Variants in PDK1 observed in about 807,000 individuals in gnomAD.
PDK1 encodes pyruvate dehydrogenase kinase 1.
PDK1 carries 39 observed loss-of-function variants against 54.2 expected under a neutral mutation model. The ratio of observed to expected loss-of-function variants is 0.72; its 90% confidence interval spans 0.56 to 0.94. PDK1 has a LOEUF of 0.94. PDK1 is among the 40% of genes least tolerant of loss of function. The pLI is 0.00. For missense variants in PDK1, 552 were observed against 566.0 expected, an observed-to-expected ratio of 0.98 and a Z score of 0.25; for synonymous variants, 221 against 207.1, an observed-to-expected ratio of 1.07 and a Z score of -0.58.
At chr2:172,684,741 C>T in the PDK1 span, among the ~76,000 whole-genome samples, 2 of 152,264 alleles carry the variant, frequency 1.3e-5, no homozygotes, top group East Asian at 3.9e-4. Flanking sequence ...TTTTTAACAC[C>T]TTCCTCCCCT....
In PDK1 at chr2:172,566,837, T is replaced by C. The variant is rs777481593; in HGVS notation, c.692-19T>C. On this transcript the variant is annotated intron_variant, in intron 5 of 10. Coordinates refer to ENST00000282077, the MANE Select transcript of PDK1 (RefSeq NM_002610.5). ...TATATTTATTAAATCCTTTTTTGTT[T>C]TGTTTTGATTCACACTAGATGGCTA... The C allele has an allele frequency of 1.3e-6, 2 of 1,551,074 alleles. No homozygotes were observed. The highest frequency in any genetic ancestry group is 1.8e-6 in the Non-Finnish European group (2 of 1,128,202).
At chr2:172,563,572 G>A (rs1344473866) in intron 3 of PDK1, among the ~76,000 whole-genome samples, 1 of 152,182 alleles carries the variant, frequency 6.6e-6, no homozygotes, top group Non-Finnish European at 1.5e-5. Context: ...GGTGGCTCAC[G>A]CCTGTAATCC....
the PDK1 span, among the ~76,000 whole-genome samples, chr2:172,716,792 G>A: frequency 6.6e-6 from 1 of 152,158 alleles, no homozygotes; most frequent in Non-Finnish European, 1.5e-5. Context: ...AAAATACAGA[G>A]GTAAAAATAG....
chr2:172,591,937 C>T lies in PDK1; in HGVS notation c.1057-998C>T, dbSNP rs1414058035. 2.6e-5 allele frequency among the ~76,000 whole-genome samples: 4 copies of T among 152,354 alleles called. No homozygotes were observed. The East Asian group carries it at 7.7e-4, about 29-fold the overall frequency. ...ACCAATTATTAGGCAATTTTCCTAA[C>T]TCTGCTTCTACAATAGTTTCCTTAT... is the stretch of plus-strand genomic sequence containing the variant. On this transcript the variant is annotated intron_variant, in intron 9 of 10. Transcript: ENST00000282077.
chr2:172,716,918 A>C, the PDK1 span, among the ~76,000 whole-genome samples: 7 of 152,194 alleles, frequency 4.6e-5, no homozygotes, highest in African/African-American at 1.7e-4. Flanking sequence ...TGTTTCTCTC[A>C]GTTCTGTGAA....
intron 2 of PDK1, among the ~76,000 whole-genome samples, chr2:172,561,746 TGTTA>T (rs1162301400): frequency 6.6e-6 from 1 of 152,352 alleles, no homozygotes; most frequent in East Asian, 1.9e-4. Context: ...AATAAATACT[TGTTA>T]GTTGGACATA....
intron 9 of PDK1, among the ~76,000 whole-genome samples, chr2:172,590,288 G>A (rs748079842): frequency 6.6e-5 from 10 of 152,152 alleles, no homozygotes; most frequent in South Asian, 2.1e-4. Flanking sequence ...TACCATATCC[G>A]GAATTGGTTT....
chr2:172,696,404 C>T, the PDK1 span, among the ~76,000 whole-genome samples: 1 of 152,190 alleles, frequency 6.6e-6, no homozygotes, highest in Non-Finnish European at 1.5e-5. Context: ...CACTACCCAA[C>T]TCCTGTTTTT....
rs1307682642 is a variant in PDK1, at chr2:172,569,269, T to C, written c.846+452T>C. Among the ~76,000 whole-genome samples, 4 of 152,346 alleles carry C rather than the reference T, an allele frequency of 2.6e-5. No homozygotes were observed. In the East Asian group the frequency reaches 7.7e-4, roughly 29 times the overall value. On this transcript the variant is annotated intron_variant, in intron 7 of 10. Transcript: ENST00000282077. ...AAGAGTGATTCTCAACTTGCTACCCTCAAAGGACCAGAATTCTTTTTTTGG... is the reference window on the plus strand; with the variant it reads ...AAGAGTGATTCTCAACTTGCTACCCCCAAAGGACCAGAATTCTTTTTTTGG...
chr2:172,586,997 A>G (rs541224853), intron 9 of PDK1, among the ~76,000 whole-genome samples: 1 of 152,338 alleles, frequency 6.6e-6, no homozygotes, highest in African/African-American at 2.4e-5. Context: ...CTGTAATTCT[A>G]GAAGAACTCT....
intron 8 of PDK1, among the ~76,000 whole-genome samples, chr2:172,573,651 C>T (rs56953655): frequency 0.18 from 26,350 of 150,392 alleles, 2,732 homozygotes; most frequent in African/African-American, 0.28. Context: ...TATATATATA[C>T]ACTCTCTCTA....
At chr2:172,562,899 A>G in intron 3 of PDK1, 1 of 1,095,474 alleles carries the variant, frequency 9.1e-7, no homozygotes, top group African/African-American at 1.6e-5. Context: ...AAGGGTACTG[A>G]GAGTGTAATG....
Position 172,564,689 on chromosome 2 carries a change from T to C in PDK1, c.595+2T>C. On this transcript the variant is annotated splice_donor_variant, in intron 4 of 10. Coordinates refer to ENST00000282077, the MANE Select transcript of PDK1 (RefSeq NM_002610.5). LOFTEE classifies it high-confidence loss of function. ...TTAGAATGTTACTCAATCAGCACTG[T>C]AAGTGTCCCTCATGAGTCAAGAGAA... 1 of 1,609,732 alleles carries C rather than the reference T, an allele frequency of 6.2e-7. No homozygotes were observed. The highest frequency in any genetic ancestry group is 8.5e-7 in the Non-Finnish European group (1 of 1,176,170).
the PDK1 span, among the ~76,000 whole-genome samples, chr2:172,621,807 ATCTC>A: frequency 8.8e-6 from 1 of 113,718 alleles, no homozygotes; most frequent in African/African-American, 4.1e-5. Flanking sequence ...ATATGTTTAT[ATCTC>A]ATATGTATGA....
the PDK1 span, among the ~76,000 whole-genome samples, chr2:172,689,009 G>A: frequency 6.6e-6 from 1 of 152,202 alleles, no homozygotes; most frequent in East Asian, 1.9e-4. Context: ...TTATTTTGAA[G>A]AGTGACAGAA....
At chr2:172,555,871 G>C (rs776172014), upstream of PDK1, 32 of 307,596 alleles carry the variant, frequency 1.0e-4, no homozygotes, top group Non-Finnish European at 1.8e-4. Context: ...CGGCGGCTGC[G>C]GCCTGGCGCG....
At chr2:172,568,348 A>AAAG (rs1226346154) in intron 6 of PDK1, among the ~76,000 whole-genome samples, 14 of 151,036 alleles carry the variant, frequency 9.3e-5, no homozygotes, top group South Asian at 6.3e-4. Flanking sequence ...AAAAAAAAAA[A>AAAG]AAGAAGAAGA....
the PDK1 span, among the ~76,000 whole-genome samples, chr2:172,678,289 AG>A: frequency 2.0e-5 from 3 of 152,068 alleles, no homozygotes; most frequent in African/African-American, 7.2e-5. Context: ...AATTATTCTG[AG>A]ACAACAGGTA....
At chr2:172,699,402 C>T in the PDK1 span, among the ~76,000 whole-genome samples, 35 of 152,002 alleles carry the variant, frequency 2.3e-4, 1 homozygote, top group African/African-American at 8.0e-4. Flanking sequence ...CAAACTCTTC[C>T]GTCCCTGCAA....
Sources: gnomAD v4.1 joint callset for allele counts (sites outside exome capture counted in the v4.1 genomes callset) on GRCh38, gnomAD v4.1.1 for gene constraint, MANE v1.5 for transcripts, NCBI Gene and HGNC (gene_info 2026-07-23, HGNC 2026-07-21) for gene names.